WARS1: variants seen among roughly 807,000 people sequenced by gnomAD.
WARS1 encodes the protein tryptophanyl-tRNA synthetase 1, also known as tryptophan--tRNA ligase, cytoplasmic.
WARS1 carries 17 observed loss-of-function variants against 47.8 expected under a neutral mutation model. That is an observed-to-expected ratio of 0.36 (90% confidence interval 0.24 to 0.53). The LOEUF (loss-of-function observed/expected upper bound fraction) is 0.53, where lower values mean the gene tolerates loss of function less well. WARS1 is among the 20% of genes least tolerant of loss of function. The pLI, the probability that WARS1 is intolerant of heterozygous loss-of-function variation, is 0.91. For missense variants in WARS1, 434 were observed against 608.0 expected, an observed-to-expected ratio of 0.71 and a Z score of 3.01; for synonymous variants, 208 against 228.1, an observed-to-expected ratio of 0.91 and a Z score of 0.79.
At chr14:100,355,136 C>T (rs1298387119) in intron 4 of WARS1, among the ~76,000 whole-genome samples, 2 of 152,168 alleles carry the variant, frequency 1.3e-5, no homozygotes, top group African/African-American at 4.8e-5. Context: ...TACCAGGCTG[C>T]TTCCAATCAC....
At chr14:100,365,355 G>A (rs1332535786) in intron 2 of WARS1, 3 of 160,354 alleles carry the variant, frequency 1.9e-5, no homozygotes, top group African/African-American at 4.8e-5. Context: ...TGAGGCGGGC[G>A]GATCACCTGA....
Position 100,372,318 on chromosome 14 carries a change from T to C in WARS1, c.-74+2965A>G, listed in dbSNP as rs529367326. 5.9e-4 allele frequency among the ~76,000 whole-genome samples: 90 copies of C among 152,262 alleles called. 1 individual carries two copies. The South Asian group carries it at 0.017, about 28-fold the overall frequency. ...GAGACCCTGTCTCTCCAAAAAATTT[T>C]TATAAAATAAAAAAACAAAAATTGA... On this transcript the variant is annotated intron_variant, in intron 1 of 10. Coordinates refer to ENST00000392882, the MANE Select transcript of WARS1 (RefSeq NM_004184.4).
At chr14:100,341,058 G>A (rs1894130821) in intron 9 of WARS1, among the ~76,000 whole-genome samples, 1 of 151,842 alleles carries the variant, frequency 6.6e-6, no homozygotes, top group Non-Finnish European at 1.5e-5. Flanking sequence ...GGGATTATAG[G>A]TGCCTGCCAC....
At position 100,346,817 on chromosome 14, in the gene WARS1, A is replaced by G; in HGVS notation, c.755T>C (p.Val252Ala). The change falls in exon 7 of 11, where the codon GTG becomes GCG. Residue 252 changes from valine to alanine, a missense_variant. Coordinates refer to ENST00000392882, the MANE Select transcript of WARS1 (RefSeq NM_004184.4). The stretch of plus-strand genomic sequence containing the variant: ...GAAGGTAACATGCTTTTGAATCTTC[A>G]CCACATTTTTGTAGAAACCTGAGCT... ...GMSSGFYKNVVKIQKHVTFNQ... is the reference protein window; with the variant it reads ...GMSSGFYKNVAKIQKHVTFNQ... 1 of 1,614,008 alleles carries G rather than the reference A, an allele frequency of 6.2e-7. No homozygotes were observed. The highest frequency in any genetic ancestry group is 8.5e-7 in the Non-Finnish European group (1 of 1,179,874).
intron 8 of WARS1, 122 bp from the exon 9 acceptor site, chr14:100,342,693 C>T: frequency 1.2e-6 from 1 of 833,530 alleles, no homozygotes; most frequent in Non-Finnish European, 1.8e-6. Flanking sequence ...GAAATTCACT[C>T]CCTCCTCCCC....
chr14:100,357,481 G>T (rs1657421345), intron 4 of WARS1, among the ~76,000 whole-genome samples: 1 of 149,814 alleles, frequency 6.7e-6, no homozygotes, highest in Non-Finnish European at 1.5e-5. Flanking sequence ...TTTTTTTTGA[G>T]AGGGAGTTTT....
Position 100,369,260 on chromosome 14 carries a change from T to TGG in WARS1, c.-73-4_-73-3dup. 2.6e-5 allele frequency: 4 copies of TGG among 151,534 alleles called. No homozygotes were observed. The highest frequency in any genetic ancestry group is 9.2e-5 in the Admixed American group (1 of 10,884). The allele number at this position is 151,534 out of a possible 1,614,324, so 9.4% of individuals were successfully genotyped here. ...ATTTGTTCAGCAGACGAGTCAAGAC[T>TGG]GGGGTGGGGGCGGGGAAGGAGAGAG... On this transcript the variant is annotated splice_region_variant and splice_polypyrimidine_tract_variant and intron_variant, in intron 1 of 10. Transcript: ENST00000392882.
chr14:100,349,198 A>G (rs1051076061), intron 6 of WARS1, among the ~76,000 whole-genome samples: 3 of 152,186 alleles, frequency 2.0e-5, no homozygotes, highest in African/African-American at 7.2e-5. Flanking sequence ...CGTGGCTTGA[A>G]GCACTTTATA....
At chr14:100,342,692 TC>T in intron 8 of WARS1, 121 bp from the exon 9 acceptor site, 1 of 829,052 alleles carries the variant, frequency 1.2e-6, no homozygotes, top group Non-Finnish European at 1.8e-6. Flanking sequence ...AGAAATTCAC[TC>T]CCTCCTCCCC....
Position 100,334,857 on chromosome 14 carries a change from GC to G in WARS1, c.*17del. 6.2e-7 allele frequency: 1 copy of G among 1,612,128 alleles called. No individual in the cohort carries two copies. Among genetic ancestry groups the G allele is most frequent in the Non-Finnish European group, 8.5e-7 (1 of 1,178,552 alleles). Reference sequence around the variant, plus strand: ...TACTGATACATCACTTCTTTTATAAGCATATGTAAAACGAGTGCTACTGAAA... The same window carrying G: ...TACTGATACATCACTTCTTTTATAAGATATGTAAAACGAGTGCTACTGAAA... On this transcript the variant is annotated 3_prime_UTR_variant, in exon 11 of 11. Coordinates refer to ENST00000392882, the MANE Select transcript of WARS1 (RefSeq NM_004184.4).
chr14:100,361,909 A>C lies in WARS1; in HGVS notation c.112T>G (p.Ser38Ala), dbSNP rs532073826. Reference protein sequence around the residue: ...AGNASKDEIDSAVKMLVSLKM... With the variant: ...AGNASKDEIDAAVKMLVSLKM... The stretch of plus-strand genomic sequence containing the variant: ...AATGACACCAACATCTTTACTGCAG[A>C]ATCAATTTCATCCTGAGAGAGGAAA... Residue 38 changes from serine (S) to alanine (A), a missense_variant, in exon 3 of 11, where the codon TCT (serine) becomes GCT (alanine). Around this residue, in one of 2 missense-constraint regions of WARS1, gnomAD observed 87 missense variants for 84.2 expected, o/e 1.03. Coordinates refer to ENST00000392882, the MANE Select transcript of WARS1 (RefSeq NM_004184.4). 1.9e-6 allele frequency: 3 copies of C among 1,614,058 alleles called. No individual in the cohort carries two copies. In the East Asian group the frequency reaches 6.7e-5, roughly 36 times the overall value.
intron 4 of WARS1, among the ~76,000 whole-genome samples, chr14:100,358,699 C>T (rs1475920080): frequency 6.6e-6 from 1 of 152,192 alleles, no homozygotes; most frequent in Non-Finnish European, 1.5e-5. Flanking sequence ...AAATTAAAAA[C>T]TTTCATACTT....
chr14:100,360,591 G>A lies in WARS1; in HGVS notation c.385C>T (p.His129Tyr). 6.2e-7 allele frequency: 1 copy of A among 1,613,896 alleles called. No homozygotes were observed. Among genetic ancestry groups the A allele is most frequent in the Non-Finnish European group, 8.5e-7 (1 of 1,179,772 alleles). Residue 129 changes from histidine to tyrosine, a missense_variant, in exon 4 of 11, where the codon CAC becomes TAC. By Grantham distance (83) the His-to-Tyr change is moderately conservative. Transcript: ENST00000392882. Reference protein sequence around the residue: ...RIERATGQRPHHFLRRGIFFS... With the variant: ...RIERATGQRPYHFLRRGIFFS... ...AAGATGCCTCTGCGCAGGAAGTGGT[G>A]TGGTCTTTGGCCGGTGGCTCTCTCT...
chr14:100,366,638 C>T (rs1008946814), intron 2 of WARS1: 1 of 761,730 alleles, frequency 1.3e-6, no homozygotes. Flanking sequence ...GGCCCATGGA[C>T]ATGGACATGA....
chr14:100,345,660 AAAATAAAT>A (rs35202616), intron 7 of WARS1, among the ~76,000 whole-genome samples: 49 of 146,034 alleles, frequency 3.4e-4, no homozygotes, highest in African/African-American at 1.2e-3. Context: ...ATGATCAATA[AAAATAAAT>A]AAATAAATTA....
intron 6 of WARS1, among the ~76,000 whole-genome samples, 197 bp downstream of exon 6, chr14:100,353,490 C>T (rs896994509): frequency 1.3e-5 from 2 of 152,192 alleles, no homozygotes; most frequent in Non-Finnish European, 2.9e-5. Flanking sequence ...CCTCGTGACC[C>T]GCCCACCTCG....
At position 100,360,805 on chromosome 14, in the gene WARS1, C is replaced by A. The variant is rs2234523; in HGVS notation, c.314-143G>T. 5.3e-3 allele frequency: 2,704 copies of A among 510,904 alleles called. 16 individuals carry two copies. Among genetic ancestry groups the A allele is most frequent in the Middle Eastern group, 8.7e-3 (17 of 1,960 alleles). 31.6% of individuals were successfully genotyped at this position (510,904 alleles called of 1,614,324 possible). A position where few individuals can be genotyped will look rare whatever the true frequency, so the allele number is the denominator to read the frequency against. On this transcript the variant is annotated intron_variant, in intron 3 of 10. Transcript: ENST00000392882. ...TTAGGCCTTCTGCTAAAGGTCCTTACCCCCAACATGAAGTAAAAGGTCTTT... is the reference window on the plus strand; with the variant it reads ...TTAGGCCTTCTGCTAAAGGTCCTTAACCCCAACATGAAGTAAAAGGTCTTT...
At chr14:100,352,408 G>A (rs181150628) in intron 6 of WARS1, among the ~76,000 whole-genome samples, 7 of 152,122 alleles carry the variant, frequency 4.6e-5, no homozygotes, top group East Asian at 3.9e-4. Context: ...ATGAGCCACC[G>A]CGCCTGGCTG....
intron 4 of WARS1, among the ~76,000 whole-genome samples, 197 bp from the exon 5 acceptor site, chr14:100,354,763 A>G (rs1895205398): frequency 6.6e-6 from 1 of 152,236 alleles, no homozygotes; most frequent in Admixed American, 6.5e-5. Flanking sequence ...GAGTGTTTTA[A>G]AAGACAAGAT....
Sources: allele counts gnomAD v4.1 joint callset (sites outside exome capture counted in the v4.1 genomes callset), GRCh38; gene constraint gnomAD v4.1.1; regional missense constraint gnomAD v4.1.1; transcripts MANE v1.5; gene names NCBI Gene and HGNC (gene_info 2026-07-23, HGNC 2026-07-21).